The following FAT3 variants were observed in gnomAD, a reference collection of about 807,000 sequenced individuals.
The protein encoded by FAT3 is protocadherin Fat 3.
In FAT3, 95 loss-of-function variants were observed where a neutral mutation model predicts 310.2. That is an observed-to-expected ratio of 0.31 (90% CI 0.26 to 0.36). The LOEUF (loss-of-function observed/expected upper bound fraction) is 0.36, where lower values mean the gene tolerates loss of function less well. Among genes scored for constraint, FAT3 ranks in the 10% least tolerant of loss-of-function variants. The pLI is 1.00. For synonymous variants in FAT3, 2,314 were observed against 2,192.9 expected, an observed-to-expected ratio of 1.06 and a Z score of -1.54; for missense variants, 5,408 against 5,715.6, an observed-to-expected ratio of 0.95 and a Z score of 1.74.
chr11:92,227,022 A>T (rs750878418), intron 1 of FAT3, among the ~76,000 whole-genome samples: 5 of 151,880 alleles, frequency 3.3e-5, no homozygotes, highest in Non-Finnish European at 7.4e-5. Context: ...GGCCCCAGCC[A>T]GACTAGGGAG....
intron 13 of FAT3, among the ~76,000 whole-genome samples, chr11:92,821,099 A>G (rs1397922826): frequency 2.6e-5 from 4 of 152,150 alleles, no homozygotes; most frequent in Non-Finnish European, 5.9e-5. Flanking sequence ...TGGGCCTTCC[A>G]TGGGGCACTA....
chr11:92,481,134 T>C (rs1952213191), intron 2 of FAT3, among the ~76,000 whole-genome samples: 2 of 152,226 alleles, frequency 1.3e-5, no homozygotes, highest in Admixed American at 6.5e-5. Context: ...GTCCAATCTA[T>C]GTCTCATATG....
chr11:92,464,275 T>A (rs1206486554), intron 2 of FAT3, among the ~76,000 whole-genome samples: 1 of 152,176 alleles, frequency 6.6e-6, no homozygotes, highest in East Asian at 1.9e-4. Context: ...ACAGTGTGCC[T>A]CCTTGTGTAT....
chr11:92,260,260 G>A (rs1865492671), intron 1 of FAT3, among the ~76,000 whole-genome samples: 1 of 152,108 alleles, frequency 6.6e-6, no homozygotes, highest in Admixed American at 6.6e-5. Context: ...GTACAAGCGT[G>A]TGTGTGTTTT....
At chr11:92,603,967 A>G (rs1440428233) in intron 3 of FAT3, among the ~76,000 whole-genome samples, 1 of 152,092 alleles carries the variant, frequency 6.6e-6, no homozygotes, top group Non-Finnish European at 1.5e-5. Context: ...CCTACCAACT[A>G]CTTATATTCA....
intron 3 of FAT3, among the ~76,000 whole-genome samples, chr11:92,549,473 A>G (rs1419028924): frequency 3.9e-5 from 6 of 152,230 alleles, no homozygotes; most frequent in Non-Finnish European, 8.8e-5. Flanking sequence ...CTCTTCGGTT[A>G]CATGGCCCCA....
chr11:92,484,888 A>C (rs962392770), intron 2 of FAT3, among the ~76,000 whole-genome samples: 8 of 152,210 alleles, frequency 5.3e-5, no homozygotes, highest in African/African-American at 1.9e-4. Flanking sequence ...TTTCATAAAG[A>C]AGTTAATTGG....
At chr11:92,443,524 A>G (rs1324440183) in intron 2 of FAT3, among the ~76,000 whole-genome samples, 3 of 152,232 alleles carry the variant, frequency 2.0e-5, no homozygotes, top group East Asian at 3.8e-4. Context: ...TTAAACACCA[A>G]AGATGAATAA....
At chr11:92,693,746 G>T (rs1457204269) in intron 3 of FAT3, among the ~76,000 whole-genome samples, 5 of 152,076 alleles carry the variant, frequency 3.3e-5, no homozygotes, top group African/African-American at 1.2e-4. Context: ...TTGATAAAAA[G>T]ATTTATTTTA....
intron 3 of FAT3, among the ~76,000 whole-genome samples, chr11:92,582,136 A>G (rs1056696760): frequency 2.0e-5 from 3 of 151,612 alleles, no homozygotes; most frequent in African/African-American, 7.3e-5. Context: ...TGGGAGTATA[A>G]CAGTGAGGAC....
chr11:92,241,401 C>T (rs978755863), intron 1 of FAT3, among the ~76,000 whole-genome samples: 1 of 152,026 alleles, frequency 6.6e-6, no homozygotes, highest in Admixed American at 6.6e-5. Context: ...TGCAAAAGCT[C>T]ATTTGTGATG....
rs557990568 is a variant in FAT3 at position 92,883,608 on chromosome 11, C to T, written c.12937+215C>T. 1.6e-4 allele frequency among the ~76,000 whole-genome samples: 24 copies of T among 152,292 alleles called. No individual in the cohort carries two copies. The South Asian group carries it at 4.8e-3, about 30-fold the overall frequency. On this transcript the variant is annotated intron_variant, in intron 24 of 27. Coordinates refer to ENST00000525166, the MANE Select transcript of FAT3 (RefSeq NM_001367949.2). This position sits in a 1 kb window ranked among gnomAD's most constrained non-coding sequence, Gnocchi z 4.2. ...AAATGAAGCTCAGAGAGGGTAACATCATGAGCCCAAGGTGAGGCAGCTAGT... is the reference window on the plus strand; with the variant it reads ...AAATGAAGCTCAGAGAGGGTAACATTATGAGCCCAAGGTGAGGCAGCTAGT...
rs993132307 is a variant in FAT3 at position 92,553,434 on chromosome 11, C to T, written c.3607+28486C>T. Reference sequence around the variant, plus strand: ...TTCAAAGAGCTTAGAGTTTGGAGGGCTGTTTCTTCCAGAAAGAAGGAATTC... The same window carrying T: ...TTCAAAGAGCTTAGAGTTTGGAGGGTTGTTTCTTCCAGAAAGAAGGAATTC... On this transcript the variant is annotated intron_variant, in intron 3 of 27. Transcript: ENST00000525166. Among the ~76,000 whole-genome samples, 4 of 152,286 alleles carry T rather than the reference C, an allele frequency of 2.6e-5. No homozygotes were observed. In the East Asian group the frequency reaches 7.7e-4, roughly 29 times the overall value.
chr11:92,227,230 A>G (rs749590470), intron 1 of FAT3, among the ~76,000 whole-genome samples: 1 of 151,912 alleles, frequency 6.6e-6, no homozygotes, highest in Non-Finnish European at 1.5e-5. Context: ...GGACATATTA[A>G]TTTTCTGGCC....
intron 2 of FAT3, among the ~76,000 whole-genome samples, chr11:92,423,709 A>C (rs534723991): frequency 6.6e-6 from 1 of 152,298 alleles, no homozygotes; most frequent in African/African-American, 2.4e-5. Context: ...TTTAATTTAA[A>C]GAATTGGCTC....
intron 2 of FAT3, among the ~76,000 whole-genome samples, chr11:92,517,356 C>T (rs1427197450): frequency 6.6e-6 from 1 of 152,022 alleles, no homozygotes; most frequent in South Asian, 2.1e-4. Flanking sequence ...CTTTGATAAA[C>T]CAGACAAAAA....
At chr11:92,861,314 G>C (rs1391943132) in intron 21 of FAT3, among the ~76,000 whole-genome samples, 1 of 152,144 alleles carries the variant, frequency 6.6e-6, no homozygotes, top group African/African-American at 2.4e-5. Context: ...TTAAATTTGA[G>C]AGAGAACAAA....
chr11:92,236,947 G>A lies in FAT3; in HGVS notation c.-18+11773G>A, dbSNP rs1015284569. On this transcript the variant is annotated intron_variant, in intron 1 of 27. Transcript: ENST00000525166. ...CATGTCTATAAGCAGATGAGAGGGA[G>A]CAAGGGCACATAGGGGCTGATAGAG... is the stretch of plus-strand genomic sequence containing the variant. 1.5e-4 allele frequency among the ~76,000 whole-genome samples: 23 copies of A among 152,134 alleles called. 1 individual carries two copies. The highest frequency in any genetic ancestry group is 5.9e-5 in the Non-Finnish European group (4 of 68,022).
chr11:92,800,843 G>A lies in FAT3; in HGVS notation c.7830G>A (p.Arg2610=), dbSNP rs1271916237. 6.2e-7 allele frequency: 1 copy of A among 1,613,676 alleles called. No homozygotes were observed. Among genetic ancestry groups the A allele is most frequent in the Non-Finnish European group, 8.5e-7 (1 of 1,179,816 alleles). Reference sequence around the variant, plus strand: ...CAGTGGAATATAGAGCCAGTGTCAGGGCAGATGTTGGAAGGGGCCACTTGG... The same window carrying A: ...CAGTGGAATATAGAGCCAGTGTCAGAGCAGATGTTGGAAGGGGCCACTTGG... ...FMTVEYRASV[R]ADVGRGHLVT... Residue 2610 remains arginine (R), a synonymous_variant, in exon 10 of 28, where the codon AGG becomes AGA. Transcript: ENST00000525166.
Sources: gnomAD v4.1 joint callset for allele counts (sites outside exome capture counted in the v4.1 genomes callset) on GRCh38, gnomAD v4.1.1 for gene constraint, Gnocchi (gnomAD v3.1) non-coding constraint, MANE v1.5 for transcripts, NCBI Gene and HGNC (gene_info 2026-07-23, HGNC 2026-07-21) for gene names.